Variants in NELL1 observed in about 807,000 individuals in gnomAD.
NELL1 encodes protein kinase C-binding protein NELL1.
Under a neutral mutation model 107.4 loss-of-function variants are expected in NELL1, and 76 were observed. The observed-to-expected ratio is 0.71, with a 90% CI of 0.59 to 0.86. The LOEUF (loss-of-function observed/expected upper bound fraction) is 0.86, where lower values mean the gene tolerates loss of function less well. NELL1 is among the 40% of genes least tolerant of loss of function. The pLI, the probability that NELL1 is intolerant of heterozygous loss-of-function variation, is 0.00. For missense variants in NELL1, 1,024 were observed against 1,005.5 expected, an observed-to-expected ratio of 1.02 and a Z score of -0.25; for synonymous variants, 353 against 341.2, an observed-to-expected ratio of 1.03 and a Z score of -0.38.
intron 14 of NELL1, among the ~76,000 whole-genome samples, chr11:21,312,656 C>G (rs1003142020): frequency 1.3e-5 from 2 of 151,826 alleles, no homozygotes; most frequent in Non-Finnish European, 2.9e-5. Context: ...AAATGTAAGT[C>G]TGTAGATTAA....
intron 14 of NELL1, among the ~76,000 whole-genome samples, chr11:21,259,078 T>C (rs1207313712): frequency 6.6e-6 from 1 of 151,892 alleles, no homozygotes; most frequent in Admixed American, 6.6e-5. Context: ...ATGCTTTATA[T>C]TGTTCCTATA....
chr11:21,146,820 G>GA (rs1228785617), intron 13 of NELL1, among the ~76,000 whole-genome samples: 1 of 151,988 alleles, frequency 6.6e-6, no homozygotes, highest in Non-Finnish European at 1.5e-5. Flanking sequence ...AGGTGGGGGG[G>GA]ATCATCTGAG....
chr11:21,443,742 C>T (rs1215506652), intron 15 of NELL1, among the ~76,000 whole-genome samples: 5 of 151,408 alleles, frequency 3.3e-5, no homozygotes, highest in Admixed American at 1.3e-4. Context: ...CCCAGCTACT[C>T]GGGAGGCTGA....
chr11:20,844,184 T>G (rs1288853147), intron 3 of NELL1, among the ~76,000 whole-genome samples: 1 of 152,124 alleles, frequency 6.6e-6, no homozygotes, highest in African/African-American at 2.4e-5. Context: ...ATTGATTCAT[T>G]TGACCATGCC....
intron 5 of NELL1, among the ~76,000 whole-genome samples, chr11:20,915,717 A>ATATATATATATATATATATATATTTT: frequency 2.2e-4 from 13 of 58,210 alleles, no homozygotes; most frequent in African/African-American, 9.7e-4. Context: ...ATATATATAT[A>ATATATATATATATATATATATATTTT]TTTTTTTTTT....
At chr11:21,251,610 T>C (rs1858640341) in intron 14 of NELL1, among the ~76,000 whole-genome samples, 1 of 151,138 alleles carries the variant, frequency 6.6e-6, no homozygotes, top group African/African-American at 2.4e-5. Flanking sequence ...ATCCACCAGG[T>C]AGGAATATTT....
At chr11:20,949,617 G>A (rs76522359) in intron 11 of NELL1, among the ~76,000 whole-genome samples, 5,410 of 152,182 alleles carry the variant, frequency 0.036, 329 homozygotes, top group African/African-American at 0.12. Flanking sequence ...ATTCAGGAGG[G>A]ATTTCATTGC....
At chr11:21,041,423 A>C (rs1311999722) in intron 12 of NELL1, among the ~76,000 whole-genome samples, 2 of 152,192 alleles carry the variant, frequency 1.3e-5, no homozygotes, top group Non-Finnish European at 2.9e-5. Flanking sequence ...AAAAAGTCAG[A>C]GAGTCACGTG....
At chr11:21,260,203 C>T (rs1357799053) in intron 14 of NELL1, 1 of 151,772 alleles carries the variant, frequency 6.6e-6, no homozygotes, top group East Asian at 1.9e-4. Flanking sequence ...CAAATGACAC[C>T]ATTATTATGT....
At position 21,077,004 on chromosome 11, in the gene NELL1, G is replaced by A. The variant is rs144558331; in HGVS notation, c.1301-36585G>A. Among the ~76,000 whole-genome samples the A allele has an allele frequency of 2.9e-3, 438 of 152,008 alleles. 5 individuals carry two copies. Among genetic ancestry groups the A allele is most frequent in the African/African-American group, 9.9e-3 (412 of 41,442 alleles). On this transcript the variant is annotated intron_variant, in intron 12 of 19. Coordinates refer to ENST00000357134, the MANE Select transcript of NELL1 (RefSeq NM_006157.5). ...AAACCTCTTTTCTTTATAAATTACC[G>A]AGTCTCAGGTATTTCTTTATAGCAA...
At chr11:20,746,128 AG>A (rs1304411407) in intron 2 of NELL1, among the ~76,000 whole-genome samples, 1 of 152,188 alleles carries the variant, frequency 6.6e-6, no homozygotes, top group Non-Finnish European at 1.5e-5. Context: ...CTTTTGGGTG[AG>A]GGAAGACTTC....
At chr11:20,940,150 G>A (rs184854781) in intron 10 of NELL1, among the ~76,000 whole-genome samples, 120 of 152,080 alleles carry the variant, frequency 7.9e-4, no homozygotes, top group African/African-American at 2.7e-3. Context: ...TCTGTCTGGT[G>A]TGCTCGCTCT....
At chr11:21,306,287 T>C (rs539034568) in intron 14 of NELL1, among the ~76,000 whole-genome samples, 5 of 152,156 alleles carry the variant, frequency 3.3e-5, no homozygotes, top group Admixed American at 6.6e-5. Flanking sequence ...TGACGGGTCA[T>C]TTCATCTATA....
chr11:21,332,564 A>G (rs1850296266), intron 14 of NELL1, among the ~76,000 whole-genome samples: 1 of 152,010 alleles, frequency 6.6e-6, no homozygotes, highest in Non-Finnish European at 1.5e-5. Flanking sequence ...ATGATTGCTT[A>G]TGGTAGAAGG....
chr11:21,232,786 G>C (rs527560441), intron 14 of NELL1, among the ~76,000 whole-genome samples: 2 of 152,188 alleles, frequency 1.3e-5, no homozygotes, highest in East Asian at 3.9e-4. Flanking sequence ...CTGAGAAGCT[G>C]GGGTTGCAGA....
In NELL1 at chr11:20,695,865, G is replaced by A. The variant is rs566411833; in HGVS notation, c.184+17805G>A. ...GTGGAATTGGTACCAGCTTTTCTTT[G>A]TACATCTGGTAGAATTTGGCTGTGA... On this transcript the variant is annotated intron_variant, in intron 2 of 19. Coordinates refer to ENST00000357134, the MANE Select transcript of NELL1 (RefSeq NM_006157.5). Among the ~76,000 whole-genome samples, 7 of 151,778 alleles carry A rather than the reference G, an allele frequency of 4.6e-5. No homozygotes were observed. In the South Asian group the frequency reaches 1.5e-3, roughly 31 times the overall value.
chr11:21,345,767 G>A (rs568271973), intron 14 of NELL1, among the ~76,000 whole-genome samples: 1 of 152,234 alleles, frequency 6.6e-6, no homozygotes, highest in South Asian at 2.1e-4. Flanking sequence ...ATGTTCCAGA[G>A]CAGTTTCTTC....
At chr11:20,722,329 C>G (rs149359480) in intron 2 of NELL1, among the ~76,000 whole-genome samples, 57 of 152,198 alleles carry the variant, frequency 3.7e-4, no homozygotes, top group African/African-American at 1.3e-3. Flanking sequence ...CCCTGAGTCT[C>G]CATTCCTCAC....
At chr11:21,304,096 A>C (rs1159421545) in intron 14 of NELL1, among the ~76,000 whole-genome samples, 1 of 152,076 alleles carries the variant, frequency 6.6e-6, no homozygotes, top group Non-Finnish European at 1.5e-5. Flanking sequence ...ACCATCATTC[A>C]AACCATTTTG....
Sources: allele counts gnomAD v4.1 joint callset (sites outside exome capture counted in the v4.1 genomes callset), GRCh38; gene constraint gnomAD v4.1.1; transcripts MANE v1.5; gene names NCBI Gene and HGNC (gene_info 2026-07-23, HGNC 2026-07-21).